ABCA13: variants seen among roughly 807,000 people sequenced by gnomAD.
ABCA13 encodes ATP-binding cassette sub-family A member 13.
In ABCA13, 476 loss-of-function variants were observed where a neutral mutation model predicts 478.7. That is an observed-to-expected ratio of 0.99 (90% CI 0.92 to 1.07). The LOEUF is 1.07. Among genes scored for constraint, ABCA13 ranks in the 50% least tolerant of loss-of-function variants. The pLI is 0.00. For missense variants in ABCA13, 6,060 were observed against 5,910.6 expected, an observed-to-expected ratio of 1.03 and a Z score of -0.83; for synonymous variants, 2,252 against 2,158.9, an observed-to-expected ratio of 1.04 and a Z score of -1.20.
At chr7:48,277,336 T>A (rs1481873517) in intron 17 of ABCA13, among the ~76,000 whole-genome samples, 1 of 152,192 alleles carries the variant, frequency 6.6e-6, no homozygotes, top group South Asian at 2.1e-4. Flanking sequence ...GGAGAGCCAC[T>A]GACTATGAAT....
chr7:48,293,192 G>GCCCCCCCCCCCCCCCCCCCC (rs367570188), intron 20 of ABCA13, among the ~76,000 whole-genome samples: 1 of 108,280 alleles, frequency 9.2e-6, no homozygotes, highest in Non-Finnish European at 2.0e-5. Context: ...GAAGTCTTCA[G>GCCCCCCCCCCCCCCCCCCCC]CCCCCCCCCC....
chr7:48,501,881 A>T (rs1162935719), intron 48 of ABCA13, among the ~76,000 whole-genome samples: 1 of 152,074 alleles, frequency 6.6e-6, no homozygotes, highest in Non-Finnish European at 1.5e-5. Flanking sequence ...GATGAGAGAG[A>T]CACATACCTG....
intron 51 of ABCA13, among the ~76,000 whole-genome samples, chr7:48,511,819 T>G (rs1165243800): frequency 2.6e-5 from 4 of 152,162 alleles, no homozygotes; most frequent in Non-Finnish European, 4.4e-5. Context: ...TAAGAGATGC[T>G]TAGTAGGGAA....
At chr7:48,305,768 A>G (rs1165589960) in intron 23 of ABCA13, among the ~76,000 whole-genome samples, 1 of 152,208 alleles carries the variant, frequency 6.6e-6, no homozygotes, top group African/African-American at 2.4e-5. Context: ...AACCACATAA[A>G]TACTCAGATA....
At chr7:48,227,217 T>C (rs772127159) in intron 5 of ABCA13, 45 bp from the exon 6 acceptor site, 1 of 1,605,538 alleles carries the variant, frequency 6.2e-7, no homozygotes, top group Non-Finnish European at 8.5e-7. Flanking sequence ...ACTTTATTAA[T>C]AAAACTCCAG....
Position 48,626,590 on chromosome 7 carries a change from G to A in ABCA13, c.14837+11213G>A, listed in dbSNP as rs80044216. On this transcript the variant is annotated intron_variant, in intron 59 of 61. Transcript: ENST00000435803. ...ACTGGCCTATTAAACAGAAATTTTT[G>A]TTCTCTAGTAGGAAGTTAAATAAGA... 3.8e-3 allele frequency: 3,697 copies of A among 985,024 alleles called. 100 individuals carry two copies. In the African/African-American group the frequency reaches 0.057, roughly 15 times the overall value. 61.0% of individuals were successfully genotyped at this position (985,024 alleles called of 1,614,324 possible). A position where few individuals can be genotyped will look rare whatever the true frequency, so the allele number is the denominator to read the frequency against.
chr7:48,389,282 T>C (rs1202170335), intron 37 of ABCA13, 62 bp downstream of exon 37: 1 of 1,528,656 alleles, frequency 6.5e-7, no homozygotes, highest in Non-Finnish European at 8.9e-7. Flanking sequence ...TCAGTTTACC[T>C]GTGAGACAGA....
chr7:48,302,023 C>T (rs1563003951), intron 23 of ABCA13, among the ~76,000 whole-genome samples: 4 of 152,194 alleles, frequency 2.6e-5, no homozygotes. Flanking sequence ...ATTTGTGTCT[C>T]ATTTAACTCC....
At chr7:48,331,895 A>G (rs1805460285) in intron 27 of ABCA13, among the ~76,000 whole-genome samples, 1 of 151,898 alleles carries the variant, frequency 6.6e-6, no homozygotes, top group African/African-American at 2.4e-5. Flanking sequence ...TAATTCCTAC[A>G]CCACTCCCCC....
chr7:48,461,429 T>C (rs1376828005), intron 43 of ABCA13, among the ~76,000 whole-genome samples: 1 of 152,206 alleles, frequency 6.6e-6, no homozygotes, highest in Non-Finnish European at 1.5e-5. Flanking sequence ...GCTTTCTCAA[T>C]GTAACTCGCC....
At chr7:48,589,849 A>G (rs1042987939) in intron 57 of ABCA13, among the ~76,000 whole-genome samples, 5 of 152,196 alleles carry the variant, frequency 3.3e-5, no homozygotes, top group African/African-American at 1.2e-4. Flanking sequence ...AAGGGCAAAA[A>G]GAGGTGAATG....
intron 40 of ABCA13, among the ~76,000 whole-genome samples, chr7:48,411,049 T>TTCTTTTTTTC (rs1554499830): frequency 3.1e-5 from 2 of 64,936 alleles, no homozygotes; most frequent in African/African-American, 1.0e-4. Flanking sequence ...CTTTCTTTCT[T>TTCTTTTTTTC]TTTCTTTCTT....
At chr7:48,570,514 G>A (rs1049242438) in intron 55 of ABCA13, among the ~76,000 whole-genome samples, 5 of 151,364 alleles carry the variant, frequency 3.3e-5, no homozygotes, top group Non-Finnish European at 5.9e-5. Flanking sequence ...TAGTAGAGAC[G>A]GGGTTTCACC....
At chr7:48,588,188 A>T (rs1789378501) in intron 57 of ABCA13, among the ~76,000 whole-genome samples, 1 of 152,300 alleles carries the variant, frequency 6.6e-6, no homozygotes, top group African/African-American at 2.4e-5. Context: ...TATTCTTTTT[A>T]GGTACCATAA....
At chr7:48,611,579 G>C (rs769670882) in intron 58 of ABCA13, among the ~76,000 whole-genome samples, 1 of 152,138 alleles carries the variant, frequency 6.6e-6, no homozygotes, top group African/African-American at 2.4e-5. Context: ...GTCTTACATG[G>C]CCAGAGCAGG....
chr7:48,484,968 G>T (rs1829143018), intron 47 of ABCA13, among the ~76,000 whole-genome samples: 1 of 152,202 alleles, frequency 6.6e-6, no homozygotes, highest in African/African-American at 2.4e-5. Context: ...TAGATGATAT[G>T]ATTTCATAGT....
intron 21 of ABCA13, 121 bp downstream of exon 21, chr7:48,295,984 T>G (rs1799310245): frequency 8.4e-7 from 1 of 1,186,178 alleles, no homozygotes; most frequent in Non-Finnish European, 1.1e-6. Context: ...AATGTGCATA[T>G]TAATATATAT....
At chr7:48,489,551 T>G (rs556105923) in intron 48 of ABCA13, among the ~76,000 whole-genome samples, 1 of 152,346 alleles carries the variant, frequency 6.6e-6, no homozygotes, top group East Asian at 1.9e-4. Context: ...TTCTTGAACC[T>G]GTAACCTCAT....
At chr7:48,622,749 A>G (rs1184619906) in intron 59 of ABCA13, among the ~76,000 whole-genome samples, 3 of 152,212 alleles carry the variant, frequency 2.0e-5, no homozygotes, top group African/African-American at 7.2e-5. Context: ...TGCTTACTGT[A>G]TGCCAGCTGT....
Sources: allele counts gnomAD v4.1 joint callset (sites outside exome capture counted in the v4.1 genomes callset), GRCh38; gene constraint gnomAD v4.1.1; transcripts MANE v1.5; gene names NCBI Gene and HGNC (gene_info 2026-07-23, HGNC 2026-07-21).